ISG20: variants seen among roughly 807,000 people sequenced by gnomAD.
The protein encoded by ISG20 is interferon stimulated exonuclease gene 20, also known as interferon-stimulated gene 20 kDa protein.
ISG20 carries 8 observed loss-of-function variants against 11.1 expected under a neutral mutation model. That is an observed-to-expected ratio of 0.72 (90% CI 0.42 to 1.30). The LOEUF is 1.30. ISG20 is among the 50% of genes most tolerant of loss of function. The pLI, the probability that ISG20 is intolerant of heterozygous loss-of-function variation, is 0.01. For synonymous variants in ISG20, 110 were observed against 101.7 expected (o/e 1.08, Z -0.49); for missense variants, 243 against 250.2 (o/e 0.97, Z 0.19).
chr15:88,654,639 C>A (rs2058344894), intron 3 of ISG20, among the ~76,000 whole-genome samples: 1 of 152,200 alleles, frequency 6.6e-6, no homozygotes, highest in African/African-American at 2.4e-5. Flanking sequence ...CTCGCCTCTG[C>A]AAGATCCACA....
chr15:88,654,487 C>G (rs1422004008), intron 3 of ISG20, among the ~76,000 whole-genome samples: 2 of 152,216 alleles, frequency 1.3e-5, no homozygotes, highest in Admixed American at 6.5e-5. Flanking sequence ...GAAGTCCTCT[C>G]TCGACAGAGG....
At position 88,648,572 on chromosome 15, in the gene ISG20, A is replaced by G. The variant is rs191899339; in HGVS notation, c.229-3538A>G. 3 of 152,412 alleles carry G rather than the reference A, an allele frequency of 2.0e-5. No homozygotes were observed. In the East Asian group the frequency reaches 5.8e-4, roughly 29 times the overall value. 9.4% of individuals were successfully genotyped at this position (152,412 alleles called of 1,614,324 possible). On this transcript the variant is annotated intron_variant, in intron 2 of 3. Coordinates refer to ENST00000306072, the MANE Select transcript of ISG20 (RefSeq NM_002201.6). ...GAAGTCACCGCCTTGCACCGTTATCATTGTGTGCCTGGTAGTGCCCTGTCC... is the reference window on the plus strand; with the variant it reads ...GAAGTCACCGCCTTGCACCGTTATCGTTGTGTGCCTGGTAGTGCCCTGTCC...
intron 2 of ISG20, among the ~76,000 whole-genome samples, chr15:88,645,834 C>T (rs1442474334): frequency 6.6e-6 from 1 of 152,210 alleles, no homozygotes; most frequent in African/African-American, 2.4e-5. Context: ...TGATGCACAT[C>T]ATAGCTCGTC....
rs2058366141 is a variant in ISG20, at chr15:88,655,714, G to T, written c.*183G>T. The T allele has an allele frequency of 3.8e-6, 2 of 524,950 alleles. No individual in the cohort carries two copies. Among genetic ancestry groups the T allele is most frequent in the East Asian group, 6.6e-5 (2 of 30,242 alleles). 32.5% of individuals were successfully genotyped at this position (524,950 alleles called of 1,614,324 possible). On this transcript the variant is annotated 3_prime_UTR_variant, in exon 4 of 4. Coordinates refer to ENST00000306072, the MANE Select transcript of ISG20 (RefSeq NM_002201.6). Reference sequence around the variant, plus strand: ...TTAACAGTAGACAGGACCCATTTCTGTGTGATGTTAGGAGGGAATGAAGTC... The same window carrying T: ...TTAACAGTAGACAGGACCCATTTCTTTGTGATGTTAGGAGGGAATGAAGTC...
chr15:88,649,984 T>A, intron 2 of ISG20: 2 of 504,074 alleles, frequency 4.0e-6, no homozygotes, highest in South Asian at 4.2e-5. Context: ...CTCAGTCTCC[T>A]GTGGTTGCCA....
Position 88,652,207 on chromosome 15 carries a change from A to G in ISG20, c.326A>G (p.Asp109Gly). The G allele has an allele frequency of 1.2e-6, 2 of 1,613,996 alleles. No individual in the cohort carries two copies. The highest frequency in any genetic ancestry group is 1.7e-6 in the Non-Finnish European group (2 of 1,179,954). The change falls in exon 3 of 4, where the codon GAC becomes GGC. Residue 109 changes from aspartate (D) to glycine (G), a missense_variant. Asp to Gly is a moderately conservative substitution (Grantham distance 94). Transcript: ENST00000306072. The stretch of plus-strand genomic sequence containing the variant: ...GACATGAGCGGCTACACAATCTACG[A>G]CACGTCCACTGACAGGCTGTTGTGG... ...KEDMSGYTIY[D>G]TSTDRLLWRE...
upstream of ISG20, chr15:88,638,947 G>A: frequency 4.4e-6 from 1 of 225,092 alleles, no homozygotes; most frequent in Non-Finnish European, 9.1e-6. Context: ...TAACAAACTA[G>A]AAACTGAAAC....
At chr15:88,649,985 G>C in intron 2 of ISG20, 1 of 506,420 alleles carries the variant, frequency 2.0e-6, no homozygotes, top group South Asian at 2.1e-5. Context: ...TCAGTCTCCT[G>C]TGGTTGCCAG....
upstream of ISG20, chr15:88,638,640 G>C (rs1200627188): frequency 1.3e-5 from 2 of 152,822 alleles, no homozygotes; most frequent in Non-Finnish European, 2.9e-5. Context: ...GTATCAGACT[G>C]GTAGCAGGCT....
At chr15:88,652,830 C>T (rs1172302443) in intron 3 of ISG20, among the ~76,000 whole-genome samples, 1 of 151,102 alleles carries the variant, frequency 6.6e-6, no homozygotes, top group African/African-American at 2.4e-5. Context: ...TTGCTCCCAC[C>T]ATAGAACTCT....
chr15:88,640,998 A>T (rs1019445518), intron 2 of ISG20, among the ~76,000 whole-genome samples: 1 of 149,638 alleles, frequency 6.7e-6, no homozygotes, highest in African/African-American at 2.5e-5. Context: ...CTGTTTTATT[A>T]TTATTTTTTT....
At position 88,639,892 on chromosome 15, in the gene ISG20, C is replaced by A. The variant is rs1165994570; in HGVS notation, c.228+298C>A. Among the ~76,000 whole-genome samples, 1 of 152,228 alleles carries A rather than the reference C, an allele frequency of 6.6e-6. No homozygotes were observed. Among genetic ancestry groups the A allele is most frequent in the East Asian group, 1.9e-4 (1 of 5,196 alleles). Reference sequence around the variant, plus strand: ...CACACAGTGACTTGGGGTCTACATTCCCCATTCTTCCCTCTACCCCAGGCT... The same window carrying A: ...CACACAGTGACTTGGGGTCTACATTACCCATTCTTCCCTCTACCCCAGGCT... On this transcript the variant is annotated intron_variant, in intron 2 of 3. Transcript: ENST00000306072. The surrounding 1 kb of genome is among the most constrained non-coding windows in gnomAD (Gnocchi z 4.2).
rs2058250830 is a variant in ISG20, at chr15:88,650,253, C to G, written c.229-1857C>G. ...TTTTCAGGTCCCCTTCCCATCCTCT[C>G]CAACGGCAGCTGAGTGAAAGCAAGC... On this transcript the variant is annotated intron_variant, in intron 2 of 3. Coordinates refer to ENST00000306072, the MANE Select transcript of ISG20 (RefSeq NM_002201.6). This position sits in a 1 kb window ranked among gnomAD's most constrained non-coding sequence, Gnocchi z 4.0. The G allele has an allele frequency of 6.5e-7, 1 of 1,535,624 alleles. No individual in the cohort carries two copies. Among genetic ancestry groups the G allele is most frequent in the Non-Finnish European group, 8.7e-7 (1 of 1,146,914 alleles).
At position 88,650,483 on chromosome 15, in the gene ISG20, C is replaced by T. The variant is rs186911322; in HGVS notation, c.229-1627C>T. 7.7e-6 allele frequency: 11 copies of T among 1,422,752 alleles called. No individual in the cohort carries two copies. Among genetic ancestry groups the T allele is most frequent in the South Asian group, 4.4e-5 (3 of 67,820 alleles). The allele number at this position is 1,422,752 out of a possible 1,614,324, so 88.1% of individuals were successfully genotyped here. A position where few individuals can be genotyped will look rare whatever the true frequency, so the allele number is the denominator to read the frequency against. ...AGGCCTGGCTTTGCCACTAACTAGC[C>T]GTGTGACTGTCCCAGTTATCAAATG... is the stretch of plus-strand genomic sequence containing the variant. On this transcript the variant is annotated intron_variant, in intron 2 of 3. Transcript: ENST00000306072. This position sits in a 1 kb window ranked among gnomAD's most constrained non-coding sequence, Gnocchi z 4.0.
intron 3 of ISG20, among the ~76,000 whole-genome samples, chr15:88,654,755 A>C (rs1458513318): frequency 6.6e-6 from 1 of 152,190 alleles, no homozygotes; most frequent in Non-Finnish European, 1.5e-5. Flanking sequence ...AGCCTAGTGC[A>C]CGGAAGACAT....
At chr15:88,637,622 A>C (rs1056401460), upstream of ISG20, among the ~76,000 whole-genome samples, 13 of 152,130 alleles carry the variant, frequency 8.5e-5, no homozygotes, top group African/African-American at 3.1e-4. Flanking sequence ...AACCATGGGG[A>C]AAATATTGGA....
upstream of ISG20, chr15:88,638,887 T>G (rs1044609077): frequency 5.8e-6 from 1 of 172,058 alleles, no homozygotes; most frequent in Non-Finnish European, 1.3e-5. Flanking sequence ...GCCCAGGAGA[T>G]GGAGCAGCCC....
Position 88,650,468 on chromosome 15 carries a change from T to G in ISG20, c.229-1642T>G. On this transcript the variant is annotated intron_variant, in intron 2 of 3. Transcript: ENST00000306072. The surrounding 1 kb of genome is among the most constrained non-coding windows in gnomAD (Gnocchi z 4.0). The stretch of plus-strand genomic sequence containing the variant: ...ATCCCACTGGCTTCAAGGCCTGGCT[T>G]TGCCACTAACTAGCCGTGTGACTGT... 1 of 1,446,758 alleles carries G rather than the reference T, an allele frequency of 6.9e-7. No individual in the cohort carries two copies. Among genetic ancestry groups the G allele is most frequent in the African/African-American group, 1.4e-5 (1 of 70,568 alleles). The allele number at this position is 1,446,758 out of a possible 1,614,324, so 89.6% of individuals were successfully genotyped here.
chr15:88,641,106 C>A (rs2058073784), intron 2 of ISG20, among the ~76,000 whole-genome samples: 1 of 152,110 alleles, frequency 6.6e-6, no homozygotes, highest in East Asian at 1.9e-4. Context: ...GGTTCTCTGG[C>A]CTCAGCCTCC....
Sources: allele counts gnomAD v4.1 joint callset (sites outside exome capture counted in the v4.1 genomes callset), GRCh38; gene constraint gnomAD v4.1.1; non-coding constraint Gnocchi (gnomAD v3.1); transcripts MANE v1.5; gene names NCBI Gene and HGNC (gene_info 2026-07-23, HGNC 2026-07-21).